SMUG1: variants seen among roughly 807,000 people sequenced by gnomAD.
SMUG1 encodes the protein single-strand-selective monofunctional uracil-DNA glycosylase 1, also known as single-strand selective monofunctional uracil DNA glycosylase.
SMUG1 carries 13 observed loss-of-function variants against 23.9 expected under a neutral mutation model. The ratio of observed to expected loss-of-function variants is 0.54; its 90% confidence interval spans 0.35 to 0.86. SMUG1 has a LOEUF of 0.86. SMUG1 is among the 40% of genes least tolerant of loss of function. The pLI is 0.01. For missense variants in SMUG1, 313 were observed against 339.5 expected, an observed-to-expected ratio of 0.92 and a Z score of 0.61; for synonymous variants, 133 against 139.8, an observed-to-expected ratio of 0.95 and a Z score of 0.34.
In SMUG1 at chr12:54,183,845, C is replaced by G. The variant is rs1472698028; in HGVS notation, c.96G>C (p.Leu32=). ...PCPGSLAESF[L]EEELRLNAEL... ...CAGCATTGAGCCGAAGCTCCTCCTC[C>G]AGGAAGCTCTCAGCCAAGCTTCCAG... The change falls in exon 3 of 4, where the codon CTG becomes CTC. Residue 32 remains leucine (L), a synonymous_variant. Transcript: ENST00000682136. The G allele has an allele frequency of 6.2e-7, 1 of 1,613,610 alleles. No individual in the cohort carries two copies. The highest frequency in any genetic ancestry group is 8.5e-7 in the Non-Finnish European group (1 of 1,179,818).
At chr12:54,176,507 T>TCCTCCC (rs1555199081), downstream of SMUG1, among the ~76,000 whole-genome samples, 2 of 64,396 alleles carry the variant, frequency 3.1e-5, no homozygotes, top group African/African-American at 6.8e-5. Context: ...GAAGATCCTG[T>TCCTCCC]CCCCCCCCAA....
At chr12:54,160,581 G>A (rs986177049), downstream of SMUG1, among the ~76,000 whole-genome samples, 3 of 152,090 alleles carry the variant, frequency 2.0e-5, no homozygotes, top group African/African-American at 4.8e-5. Context: ...GGAGTGCTAC[G>A]GCCAACCACA....
intron 3 of SMUG1, among the ~76,000 whole-genome samples, chr12:54,169,931 G>T (rs1356661937): frequency 6.6e-6 from 1 of 152,166 alleles, no homozygotes; most frequent in Non-Finnish European, 1.5e-5. Flanking sequence ...GGGTACAATG[G>T]CTCATGCCTG....
chr12:54,183,551 T>C, intron 3 of SMUG1, 105 bp downstream of exon 3: 1 of 1,187,732 alleles, frequency 8.4e-7, no homozygotes, highest in South Asian at 1.3e-5. Context: ...CGGGAGGACC[T>C]ACACATGTCT....
downstream of SMUG1, among the ~76,000 whole-genome samples, chr12:54,177,984 A>G (rs1439104948): frequency 6.6e-6 from 1 of 152,130 alleles, no homozygotes; most frequent in Non-Finnish European, 1.5e-5. Flanking sequence ...AGAGGCACCT[A>G]AGGTTAAATT....
chr12:54,182,903 C>A, intron 3 of SMUG1: 1 of 444,594 alleles, frequency 2.2e-6, no homozygotes, highest in Non-Finnish European at 3.9e-6. Flanking sequence ...GATATCTAGC[C>A]CTACACAGGG....
intron 2 of SMUG1, among the ~76,000 whole-genome samples, chr12:54,184,513 G>C (rs1941874930): frequency 6.6e-6 from 1 of 152,234 alleles, no homozygotes; most frequent in Admixed American, 6.5e-5. Flanking sequence ...ACAATCCCAT[G>C]AGGTGGGTAT....
At position 54,182,435 on chromosome 12, in the gene SMUG1, G is replaced by C; in HGVS notation, c.474C>G (p.His158Gln). 1 of 1,614,212 alleles carries C rather than the reference G, an allele frequency of 6.2e-7. No homozygotes were observed. The highest frequency in any genetic ancestry group is 8.5e-7 in the Non-Finnish European group (1 of 1,180,042). ...GAGGGCATAGATTGTGGACAAAACA[G>C]TGATGGAAGAAGACCTCAGGCTGTC... ...LCGQPEVFFH[H>Q]CFVHNLCPLL... The change falls in exon 4 of 4, where the codon CAC (histidine) becomes CAG (glutamine). Residue 158 changes from histidine to glutamine, a missense_variant. Transcript: ENST00000682136.
downstream of SMUG1, among the ~76,000 whole-genome samples, chr12:54,176,509 C>CCCCCA (rs756730187): frequency 1.0e-5 from 1 of 98,104 alleles, no homozygotes. Context: ...AGATCCTGTC[C>CCCCCA]CCCCCCAAAA....
At chr12:54,171,291 C>T (rs574141602) in intron 3 of SMUG1, among the ~76,000 whole-genome samples, 26 of 151,964 alleles carry the variant, frequency 1.7e-4, no homozygotes, top group South Asian at 8.3e-4. Flanking sequence ...TGAGCCACCA[C>T]GCCTGGCCAC....
At chr12:54,161,699 C>T (rs1477398026), downstream of SMUG1, among the ~76,000 whole-genome samples, 2 of 152,208 alleles carry the variant, frequency 1.3e-5, no homozygotes, top group African/African-American at 4.8e-5. The surrounding 1 kb of genome is among the most constrained non-coding windows in gnomAD (Gnocchi z 4.2). Flanking sequence ...TGTCCCTCTA[C>T]ATCCACCTGT....
At chr12:54,170,695 C>CAA (rs1940594133) in intron 3 of SMUG1, among the ~76,000 whole-genome samples, 1 of 152,150 alleles carries the variant, frequency 6.6e-6, no homozygotes, top group Non-Finnish European at 1.5e-5. Context: ...CTCCCAGGCA[C>CAA]AAGCAATCCT....
chr12:54,173,994 A>T (rs1020073583), intron 2 of SMUG1, among the ~76,000 whole-genome samples: 21 of 152,234 alleles, frequency 1.4e-4, no homozygotes, highest in African/African-American at 4.1e-4. Context: ...GAGACAAAAA[A>T]GATCCCATGA....
At chr12:54,182,718 C>G (rs1941402437) in intron 3 of SMUG1, 95 bp from the exon 4 acceptor site, 2 of 1,509,714 alleles carry the variant, frequency 1.3e-6, no homozygotes, top group East Asian at 2.3e-5. Context: ...ACATGAGGAT[C>G]CAGCCTGCAC....
rs759303521 is a variant in SMUG1, at chr12:54,181,601, A to C, written c.*495T>G. ...TCCTCTGATCCAGCTGCAGCCTCCC[A>C]TAAGAAGTTCACTCTTAATTTCATG... On this transcript the variant is annotated 3_prime_UTR_variant, in exon 4 of 4. Transcript: ENST00000682136. 1.3e-6 allele frequency: 2 copies of C among 1,579,224 alleles called. No individual in the cohort carries two copies. The highest frequency in any genetic ancestry group is 2.3e-5 in the East Asian group (1 of 44,422).
intron 3 of SMUG1, chr12:54,171,933 C>T (rs1439968995): frequency 2.6e-6 from 1 of 385,678 alleles, no homozygotes; most frequent in African/African-American, 2.1e-5. Flanking sequence ...TCACTAATCC[C>T]TTGGCTCTCC....
At chr12:54,158,573 G>A (rs1004291742) in intron 4 of SMUG1, among the ~76,000 whole-genome samples, 4 of 151,978 alleles carry the variant, frequency 2.6e-5, no homozygotes, top group East Asian at 1.9e-4. Context: ...CAGTGCCCCC[G>A]GGGAGAAGTC....
downstream of SMUG1, among the ~76,000 whole-genome samples, chr12:54,179,918 CCCT>C (rs1196051861): frequency 1.3e-5 from 2 of 152,214 alleles, no homozygotes; most frequent in Non-Finnish European, 2.9e-5. Flanking sequence ...CAGATGTGTG[CCCT>C]CTGCTCATAG....
In SMUG1 at chr12:54,181,432, C is replaced by A. The variant is rs1941051125; in HGVS notation, c.*664G>T. On this transcript the variant is annotated 3_prime_UTR_variant, in exon 4 of 4. Transcript: ENST00000682136. ...GATCTCAGTTAATCCTCACACCAAC[C>A]CCATAAGGTAGGCATCCCTGTTTTA... is the stretch of plus-strand genomic sequence containing the variant. 1 of 892,608 alleles carries A rather than the reference C, an allele frequency of 1.1e-6. No individual in the cohort carries two copies. Among genetic ancestry groups the A allele is most frequent in the South Asian group, 1.5e-5 (1 of 64,742 alleles). The allele number at this position is 892,608 out of a possible 1,614,324, so 55.3% of individuals were successfully genotyped here.
Sources: allele counts gnomAD v4.1 joint callset (sites outside exome capture counted in the v4.1 genomes callset), GRCh38; gene constraint gnomAD v4.1.1; non-coding constraint Gnocchi (gnomAD v3.1); transcripts MANE v1.5; gene names NCBI Gene and HGNC (gene_info 2026-07-23, HGNC 2026-07-21).